GNAQ: variants seen among roughly 807,000 people sequenced by gnomAD.
The protein encoded by GNAQ is G protein subunit alpha q.
A neutral mutation model predicts 43.9 loss-of-function variants in GNAQ; 8 were observed. The observed-to-expected ratio is 0.18, with a 90% CI of 0.11 to 0.33. The LOEUF is 0.33. Ranked by LOEUF, GNAQ falls within the 10% of genes least tolerant of loss-of-function variation. The pLI, the probability that GNAQ is intolerant of heterozygous loss-of-function variation, is 1.00. For missense variants in GNAQ, 158 were observed against 450.8 expected (o/e 0.35, Z 5.88); for synonymous variants, 155 against 170.7 (o/e 0.91, Z 0.71).
intron 2 of GNAQ, among the ~76,000 whole-genome samples, chr9:77,887,200 C>T (rs1828322577): frequency 6.6e-6 from 1 of 152,080 alleles, no homozygotes; most frequent in Non-Finnish European, 1.5e-5. Flanking sequence ...AGCAGGGTCT[C>T]CCATGTTTGG....
At chr9:77,795,642 C>A (rs948660221) in intron 4 of GNAQ, among the ~76,000 whole-genome samples, 1 of 152,084 alleles carries the variant, frequency 6.6e-6, no homozygotes, top group African/African-American at 2.4e-5. Context: ...ATCTAAGGGG[C>A]AAAACAATGC....
intron 3 of GNAQ, among the ~76,000 whole-genome samples, chr9:77,807,122 A>G (rs1826841435): frequency 6.6e-6 from 1 of 152,166 alleles, no homozygotes; most frequent in Non-Finnish European, 1.5e-5. Context: ...TCAAAATTCA[A>G]TTCATTATTT....
intron 2 of GNAQ, among the ~76,000 whole-genome samples, chr9:77,831,727 C>T (rs745361795): frequency 2.0e-5 from 3 of 152,138 alleles, no homozygotes; most frequent in Non-Finnish European, 2.9e-5. Context: ...ATGGACACTG[C>T]TATATAGAGA....
At chr9:77,879,944 A>G (rs1828183996) in intron 2 of GNAQ, among the ~76,000 whole-genome samples, 1 of 152,210 alleles carries the variant, frequency 6.6e-6, no homozygotes, top group Admixed American at 6.5e-5. Context: ...TTATGTGTGC[A>G]TTACATTTCC....
chr9:77,793,084 T>C (rs917968027), intron 5 of GNAQ, among the ~76,000 whole-genome samples: 2 of 152,132 alleles, frequency 1.3e-5, no homozygotes, highest in Non-Finnish European at 2.9e-5. Context: ...TCCCAAAATA[T>C]GCAGTATGTT....
At chr9:77,937,474 A>G (rs768852388) in intron 1 of GNAQ, among the ~76,000 whole-genome samples, 2 of 152,222 alleles carry the variant, frequency 1.3e-5, no homozygotes, top group African/African-American at 2.4e-5. Context: ...GTAGAGTTCA[A>G]TGATTTTTAA....
intron 1 of GNAQ, among the ~76,000 whole-genome samples, chr9:77,999,558 C>T (rs867863033): frequency 6.6e-6 from 1 of 152,122 alleles, no homozygotes; most frequent in South Asian, 2.1e-4. Context: ...AGGAATTAGG[C>T]CTCCTAAGAT....
intron 1 of GNAQ, among the ~76,000 whole-genome samples, chr9:77,996,900 C>T (rs750859862): frequency 6.6e-5 from 10 of 152,094 alleles, no homozygotes; most frequent in South Asian, 2.1e-4. Context: ...TTCCCTTCTA[C>T]GGATATTAGT....
At chr9:78,030,525 C>T (rs1170534590) in intron 1 of GNAQ, 1 of 470,944 alleles carries the variant, frequency 2.1e-6, no homozygotes, top group Non-Finnish European at 4.4e-6. Flanking sequence ...CATGAGTGCT[C>T]CGGGAATCCA....
intron 2 of GNAQ, among the ~76,000 whole-genome samples, chr9:77,833,086 G>A (rs1564124599): frequency 6.6e-6 from 1 of 151,844 alleles, no homozygotes; most frequent in Non-Finnish European, 1.5e-5. Context: ...CCTGCCTCAG[G>A]CTCCCAAGTA....
chr9:77,725,471 C>T (rs6560613), intron 6 of GNAQ, among the ~76,000 whole-genome samples: 143,462 of 151,998 alleles, frequency 0.94, 67,775 homozygotes, highest in East Asian at 1. Flanking sequence ...TGGAGTTTCA[C>T]GTAATGACTG....
intron 5 of GNAQ, among the ~76,000 whole-genome samples, chr9:77,748,906 G>T (rs1389409714): frequency 1.3e-5 from 2 of 152,158 alleles, no homozygotes; most frequent in Non-Finnish European, 2.9e-5. Flanking sequence ...GATTCCACCA[G>T]TATAAAAAAG....
At position 77,716,867 on chromosome 9, in the gene GNAQ, T is replaced by C. The variant is rs1825234360; in HGVS notation, c.*4456A>G. On this transcript the variant is annotated 3_prime_UTR_variant, in exon 7 of 7. Transcript: ENST00000286548. ...GCACCTACTATGTGCTAGGTGTGTA[T>C]TCATACTTTGAACATATGATTCTAG... is the stretch of plus-strand genomic sequence containing the variant. The C allele has an allele frequency of 4.3e-6, 1 of 232,758 alleles. No homozygotes were observed. The highest frequency in any genetic ancestry group is 2.2e-5 in the African/African-American group (1 of 45,318). 14.4% of individuals were successfully genotyped at this position (232,758 alleles called of 1,614,324 possible). A position where few individuals can be genotyped will look rare whatever the true frequency, so the allele number is the denominator to read the frequency against.
intron 1 of GNAQ, among the ~76,000 whole-genome samples, chr9:77,943,911 C>CTT (rs1477601207): frequency 6.6e-6 from 1 of 152,114 alleles, no homozygotes; most frequent in African/African-American, 2.4e-5. Context: ...AGGTGATCCA[C>CTT]CCACCTCAGC....
chr9:77,892,676 T>G (rs536517803), intron 2 of GNAQ, among the ~76,000 whole-genome samples: 1 of 152,228 alleles, frequency 6.6e-6, no homozygotes, highest in African/African-American at 2.4e-5. Flanking sequence ...CTGGGCTTTA[T>G]TCTGTGGCAT....
chr9:77,755,967 T>C (rs1825897153), intron 5 of GNAQ, among the ~76,000 whole-genome samples: 1 of 152,170 alleles, frequency 6.6e-6, no homozygotes, highest in African/African-American at 2.4e-5. Context: ...AGGCAGACCC[T>C]TCCTCAGTCT....
intron 2 of GNAQ, among the ~76,000 whole-genome samples, chr9:77,899,360 G>T (rs1405156764): frequency 6.6e-6 from 1 of 152,020 alleles, no homozygotes; most frequent in Non-Finnish European, 1.5e-5. Flanking sequence ...GCCTCCCAAA[G>T]TGCTGGGACT....
At chr9:77,817,329 G>C (rs1050009215) in intron 2 of GNAQ, among the ~76,000 whole-genome samples, 1 of 151,898 alleles carries the variant, frequency 6.6e-6, no homozygotes, top group African/African-American at 2.4e-5. Flanking sequence ...GCTCAACACC[G>C]CATAATCAGG....
chr9:77,747,009 TAAAA>T (rs1405778283), intron 5 of GNAQ, among the ~76,000 whole-genome samples: 6 of 151,990 alleles, frequency 3.9e-5, no homozygotes, highest in South Asian at 2.1e-4. Context: ...TTTTTAAACT[TAAAA>T]AAAGATATAC....
Sources: allele counts gnomAD v4.1 joint callset (sites outside exome capture counted in the v4.1 genomes callset), GRCh38; gene constraint gnomAD v4.1.1; transcripts MANE v1.5; gene names NCBI Gene and HGNC (gene_info 2026-07-23, HGNC 2026-07-21).